Variants in NELL1 observed in about 807,000 individuals in gnomAD.
The protein encoded by NELL1 is neural EGFL like 1, also known as protein kinase C-binding protein NELL1.
NELL1 carries 76 observed loss-of-function variants against 107.4 expected under a neutral mutation model. The observed-to-expected ratio is 0.71, with a 90% CI of 0.59 to 0.86. The LOEUF (loss-of-function observed/expected upper bound fraction) is 0.86. Ranked by LOEUF, NELL1 falls within the 40% of genes least tolerant of loss-of-function variation. The pLI is 0.00. For synonymous variants in NELL1, 353 were observed against 341.2 expected (o/e 1.03, Z -0.38); for missense variants, 1,024 against 1,005.5 (o/e 1.02, Z -0.25).
intron 2 of NELL1, among the ~76,000 whole-genome samples, chr11:20,707,243 A>C (rs997182618): frequency 6.6e-6 from 1 of 152,110 alleles, no homozygotes; most frequent in South Asian, 2.1e-4. Context: ...GGTGCTGTTT[A>C]TTTTAGTTAG....
chr11:21,116,283 C>T (rs1017372086), intron 13 of NELL1, among the ~76,000 whole-genome samples: 1 of 152,072 alleles, frequency 6.6e-6, no homozygotes, highest in African/African-American at 2.4e-5. Flanking sequence ...GCCCAATGTC[C>T]CCAGCTATTC....
At chr11:21,144,960 A>G (rs975267188) in intron 13 of NELL1, among the ~76,000 whole-genome samples, 1 of 152,196 alleles carries the variant, frequency 6.6e-6, no homozygotes, top group Non-Finnish European at 1.5e-5. Context: ...ACCTTGGGGC[A>G]AATCATTTTA....
chr11:21,246,395 G>A (rs758109328), intron 14 of NELL1, among the ~76,000 whole-genome samples: 3 of 152,098 alleles, frequency 2.0e-5, no homozygotes, highest in Non-Finnish European at 4.4e-5. Context: ...AGCTTTCCAT[G>A]GAATGGAAAG....
intron 12 of NELL1, among the ~76,000 whole-genome samples, chr11:21,061,221 C>T (rs1458055389): frequency 6.6e-6 from 1 of 152,120 alleles, no homozygotes; most frequent in African/African-American, 2.4e-5. Context: ...CTGGTGGAGC[C>T]AGACAGTAGG....
At chr11:21,052,517 G>C (rs1040633086) in intron 12 of NELL1, among the ~76,000 whole-genome samples, 1 of 152,256 alleles carries the variant, frequency 6.6e-6, no homozygotes, top group Middle Eastern at 3.4e-3. Context: ...TATGAATGTA[G>C]TGAGTCAATC....
chr11:21,488,008 A>G (rs1385031463), intron 15 of NELL1, among the ~76,000 whole-genome samples: 1 of 152,164 alleles, frequency 6.6e-6, no homozygotes, highest in Non-Finnish European at 1.5e-5. Flanking sequence ...TATACATACA[A>G]CACTGGAACA....
chr11:21,377,720 A>G (rs1340133499), intron 15 of NELL1, among the ~76,000 whole-genome samples: 3 of 151,974 alleles, frequency 2.0e-5, no homozygotes, highest in African/African-American at 7.2e-5. Context: ...TTGGAACTTG[A>G]TATTGGTCTA....
In NELL1 at chr11:20,873,268, G is replaced by A. The variant is rs1195857373; in HGVS notation, c.507-12176G>A. On this transcript the variant is annotated intron_variant, in intron 4 of 19. Transcript: ENST00000357134. Reference sequence around the variant, plus strand: ...TAACCTCAATGGCGCCATCTAGGGAGTGATTTCACAGGTTAATGCTCCCCT... The same window carrying A: ...TAACCTCAATGGCGCCATCTAGGGAATGATTTCACAGGTTAATGCTCCCCT... Among the ~76,000 whole-genome samples, 9 of 152,278 alleles carry A rather than the reference G, an allele frequency of 5.9e-5. 1 individual carries two copies. The South Asian group carries it at 1.0e-3, about 18-fold the overall frequency.
At chr11:21,311,849 C>A (rs2133647116) in intron 14 of NELL1, among the ~76,000 whole-genome samples, 1 of 152,110 alleles carries the variant, frequency 6.6e-6, no homozygotes, top group East Asian at 1.9e-4. Flanking sequence ...GTGCCTGTCT[C>A]CTCTCAAAAT....
chr11:21,568,860 T>C (rs1857032127), intron 17 of NELL1, among the ~76,000 whole-genome samples: 1 of 105,156 alleles, frequency 9.5e-6, no homozygotes, highest in South Asian at 3.0e-4. Context: ...GAGGCTGTTT[T>C]AGTTATCTCT....
Position 20,975,920 on chromosome 11 carries a change from C to CATATATGTACATATATGTGT in NELL1, c.1300+15361_1300+15362insTATATGTACATATATGTGTA, listed in dbSNP as rs1554953002. Among the ~76,000 whole-genome samples the CATATATGTACATATATGTGT allele has an allele frequency of 8.9e-4, 96 of 108,442 alleles. 1 individual carries two copies. The East Asian group carries it at 9.7e-3, about 11-fold the overall frequency. The allele number at this position is 108,442 out of a possible 152,430, so 71.1% of individuals were successfully genotyped here. On this transcript the variant is annotated intron_variant, in intron 12 of 19. Transcript: ENST00000357134. ...TACATATATGTGTATTATATAAACA[C>CATATATGTACATATATGTGT]ACATATATGTACATATATGTGTACA...
At chr11:21,234,377 G>A (rs1435244864) in intron 14 of NELL1, among the ~76,000 whole-genome samples, 1 of 152,132 alleles carries the variant, frequency 6.6e-6, no homozygotes, top group Non-Finnish European at 1.5e-5. Flanking sequence ...TAACCCTGTA[G>A]GAGCTTCAGG....
intron 15 of NELL1, among the ~76,000 whole-genome samples, chr11:21,392,894 T>G (rs142180699): frequency 1.8e-4 from 28 of 151,924 alleles, no homozygotes; most frequent in Non-Finnish European, 3.2e-4. Flanking sequence ...TAGAGCATTA[T>G]TTAAGATATT....
chr11:21,123,334 C>CGTGTGT (rs142012176), intron 13 of NELL1, among the ~76,000 whole-genome samples: 1,634 of 132,464 alleles, frequency 0.012, 38 homozygotes, highest in African/African-American at 0.04. Flanking sequence ...TGTGTGCCTG[C>CGTGTGT]GTGTGTGTGT....
intron 12 of NELL1, among the ~76,000 whole-genome samples, chr11:20,981,956 T>TTC (rs68140364): frequency 0.044 from 6,517 of 148,604 alleles, 186 homozygotes; most frequent in Middle Eastern, 0.18. Flanking sequence ...CTCTCTCTCT[T>TTC]TCTCTCTCTC....
At chr11:21,288,251 C>G (rs1849172774) in intron 14 of NELL1, among the ~76,000 whole-genome samples, 1 of 152,138 alleles carries the variant, frequency 6.6e-6, no homozygotes, top group Non-Finnish European at 1.5e-5. Flanking sequence ...GTCTATGAAA[C>G]TATCTTACAA....
chr11:21,145,081 A>C (rs1855948457), intron 13 of NELL1, among the ~76,000 whole-genome samples: 1 of 152,196 alleles, frequency 6.6e-6, no homozygotes. Flanking sequence ...GCTTGGAAAA[A>C]TGCCAGGTAC....
chr11:21,308,218 T>C (rs1849651823), intron 14 of NELL1, among the ~76,000 whole-genome samples: 1 of 152,082 alleles, frequency 6.6e-6, no homozygotes, highest in Non-Finnish European at 1.5e-5. Flanking sequence ...AAGGAGGCTA[T>C]AGTGTATCAT....
chr11:21,087,225 G>A (rs1005022651), intron 12 of NELL1, among the ~76,000 whole-genome samples: 4 of 152,100 alleles, frequency 2.6e-5, no homozygotes, highest in African/African-American at 9.7e-5. Context: ...TCATTGTCAA[G>A]AGCAAAACAA....
Sources: allele counts gnomAD v4.1 joint callset (sites outside exome capture counted in the v4.1 genomes callset), GRCh38; gene constraint gnomAD v4.1.1; transcripts MANE v1.5; gene names NCBI Gene and HGNC (gene_info 2026-07-23, HGNC 2026-07-21).